VWA8: variants seen among roughly 807,000 people sequenced by gnomAD.
VWA8 encodes von Willebrand factor A domain-containing protein 8.
In VWA8, 221 loss-of-function variants were observed where a neutral mutation model predicts 241.5. The ratio of observed to expected loss-of-function variants is 0.91; its 90% CI spans 0.82 to 1.02. The LOEUF (loss-of-function observed/expected upper bound fraction) is 1.02. Among genes scored for constraint, VWA8 ranks in the 50% least tolerant of loss-of-function variants. The pLI, the probability that VWA8 is intolerant of heterozygous loss-of-function variation, is 0.00. For synonymous variants in VWA8, 852 were observed against 827.1 expected, an observed-to-expected ratio of 1.03 and a Z score of -0.52; for missense variants, 2,322 against 2,328.7, an observed-to-expected ratio of 1.00 and a Z score of 0.06.
At position 41,877,075 on chromosome 13, in the gene VWA8, T is replaced by C. The variant is rs143182258; in HGVS notation, c.1080+6312A>G. 1.8e-4 allele frequency among the ~76,000 whole-genome samples: 28 copies of C among 152,184 alleles called. No individual in the cohort carries two copies. The East Asian group carries it at 5.2e-3, about 28-fold the overall frequency. Reference sequence around the variant, plus strand: ...ACCAGGTCCATATTTTCAAGTCTGCTAGATAAAACCACCAGAAAAACCTCA... The same window carrying C: ...ACCAGGTCCATATTTTCAAGTCTGCCAGATAAAACCACCAGAAAAACCTCA... On this transcript the variant is annotated intron_variant, in intron 9 of 44. Coordinates refer to ENST00000379310, the MANE Select transcript of VWA8 (RefSeq NM_015058.2).
At chr13:41,863,039 G>T (rs1225874011) in intron 12 of VWA8, among the ~76,000 whole-genome samples, 2 of 152,124 alleles carry the variant, frequency 1.3e-5, no homozygotes, top group Non-Finnish European at 2.9e-5. Flanking sequence ...TTGATCCTGG[G>T]TGTGTCTGTG....
At chr13:41,694,526 A>G (rs1164631586) in intron 29 of VWA8, among the ~76,000 whole-genome samples, 1 of 152,076 alleles carries the variant, frequency 6.6e-6, no homozygotes, top group Admixed American at 6.6e-5. Context: ...TGAAAATGGT[A>G]ATGATATCTT....
intron 39 of VWA8, among the ~76,000 whole-genome samples, chr13:41,605,751 T>TG (rs2044549927): frequency 6.6e-6 from 1 of 152,170 alleles, no homozygotes; most frequent in Non-Finnish European, 1.5e-5. Context: ...ATCATGTATT[T>TG]GGTTGACCAA....
At chr13:41,742,067 G>A (rs1343030622) in intron 21 of VWA8, among the ~76,000 whole-genome samples, 1 of 152,210 alleles carries the variant, frequency 6.6e-6, no homozygotes, top group Non-Finnish European at 1.5e-5. Context: ...TATCCAGCAT[G>A]TCTAGGATAT....
chr13:41,957,165 C>G (rs1199573120), intron 1 of VWA8, among the ~76,000 whole-genome samples: 1 of 152,140 alleles, frequency 6.6e-6, no homozygotes, highest in East Asian at 1.9e-4. Flanking sequence ...CCCATAATCC[C>G]CATGTGTCAT....
intron 12 of VWA8, among the ~76,000 whole-genome samples, chr13:41,851,318 G>A (rs1332088783): frequency 1.3e-5 from 2 of 152,182 alleles, no homozygotes; most frequent in African/African-American, 2.4e-5. Context: ...TCACATTTAA[G>A]TGAGATAATG....
intron 9 of VWA8, among the ~76,000 whole-genome samples, chr13:41,879,861 A>G (rs912074003): frequency 2.6e-5 from 4 of 152,216 alleles, no homozygotes; most frequent in Admixed American, 1.3e-4. Flanking sequence ...TGAAGGTTCT[A>G]TACAGAAAGC....
rs1305501830 is a variant in VWA8, at chr13:41,898,352, A to AG, written c.484-6766dup. ...TATTTACAATCCCTGAGCTAGACAC[A>AG]GGGTGCTCCAAGGCCCCACCAGAGC... On this transcript the variant is annotated intron_variant, in intron 4 of 44. Transcript: ENST00000379310. Among the ~76,000 whole-genome samples, 9 of 151,730 alleles carry AG rather than the reference A, an allele frequency of 5.9e-5. No individual in the cohort carries two copies. In the Middle Eastern group the frequency reaches 0.01, roughly 176 times the overall value.
At chr13:41,803,171 T>A (rs928861333) in intron 17 of VWA8, among the ~76,000 whole-genome samples, 3 of 152,174 alleles carry the variant, frequency 2.0e-5, no homozygotes, top group Non-Finnish European at 4.4e-5. Flanking sequence ...TCAATTCTCT[T>A]TGAATACTTG....
chr13:41,834,909 G>C (rs1266233922), intron 12 of VWA8, among the ~76,000 whole-genome samples: 1 of 152,160 alleles, frequency 6.6e-6, no homozygotes, highest in Non-Finnish European at 1.5e-5. Context: ...CCATAAAAAG[G>C]AACTAGATCA....
chr13:41,737,591 C>T (rs1379922561), intron 21 of VWA8, among the ~76,000 whole-genome samples: 1 of 152,178 alleles, frequency 6.6e-6, no homozygotes, highest in African/African-American at 2.4e-5. Context: ...GAATTTTGAA[C>T]AGGAAGAACA....
intron 12 of VWA8, among the ~76,000 whole-genome samples, chr13:41,858,492 G>C (rs1872858224): frequency 6.6e-6 from 1 of 152,096 alleles, no homozygotes; most frequent in Non-Finnish European, 1.5e-5. Flanking sequence ...TATAATCCCA[G>C]CTACTCGGGA....
chr13:41,873,310 G>C (rs184300456), intron 9 of VWA8, among the ~76,000 whole-genome samples: 1 of 152,128 alleles, frequency 6.6e-6, no homozygotes, highest in Admixed American at 6.5e-5. Context: ...AAAGCTAGCA[G>C]AAGGCAAGAA....
At chr13:41,897,207 A>C (rs1215665795) in intron 4 of VWA8, among the ~76,000 whole-genome samples, 1 of 152,150 alleles carries the variant, frequency 6.6e-6, no homozygotes, top group African/African-American at 2.4e-5. Flanking sequence ...CAAGGAACTC[A>C]AATCAATTGC....
At position 41,787,559 on chromosome 13, in the gene VWA8, G is replaced by T; in HGVS notation, c.2064-16C>A. The T allele has an allele frequency of 6.5e-7, 1 of 1,546,946 alleles. No individual in the cohort carries two copies. The highest frequency in any genetic ancestry group is 1.1e-5 in the South Asian group (1 of 89,764). On this transcript the variant is annotated splice_polypyrimidine_tract_variant and intron_variant, in intron 17 of 44. Coordinates refer to ENST00000379310, the MANE Select transcript of VWA8 (RefSeq NM_015058.2). ...GGGTAAAAACCTGGAGGATGAAGAG[G>T]GAGGAAGGGGGAAATGGCTTAAGTC...
rs954328987 is a variant in VWA8, at chr13:41,572,838, G to A, written c.5371-2132C>T. On this transcript the variant is annotated intron_variant, in intron 43 of 44. Coordinates refer to ENST00000379310, the MANE Select transcript of VWA8 (RefSeq NM_015058.2). ...AAAAAAAAAGAAACAGGCCGGGCGC[G>A]GTGGCTCACGTCTGTGGTCCCAGCA... 9.5e-4 allele frequency among the ~76,000 whole-genome samples: 143 copies of A among 150,706 alleles called. 1 individual carries two copies. The highest frequency in any genetic ancestry group is 3.3e-3 in the African/African-American group (134 of 41,080).
intron 20 of VWA8, among the ~76,000 whole-genome samples, chr13:41,769,348 T>G (rs765640190): frequency 5.9e-5 from 9 of 152,188 alleles, no homozygotes; most frequent in Non-Finnish European, 1.2e-4. Flanking sequence ...AGAAAAATGA[T>G]ATGCAAAAGA....
intron 37 of VWA8, among the ~76,000 whole-genome samples, chr13:41,632,864 G>A (rs2044734314): frequency 6.6e-6 from 1 of 152,128 alleles, no homozygotes; most frequent in African/African-American, 2.4e-5. Flanking sequence ...CAGTCACTAT[G>A]GTTCAAAACT....
intron 2 of VWA8, among the ~76,000 whole-genome samples, chr13:41,941,544 A>T (rs1877598092): frequency 6.6e-6 from 1 of 152,238 alleles, no homozygotes; most frequent in Admixed American, 6.5e-5. Flanking sequence ...TTAAAAATCA[A>T]ATTTAGATGA....
Sources: gnomAD v4.1 joint callset for allele counts (sites outside exome capture counted in the v4.1 genomes callset) on GRCh38, gnomAD v4.1.1 for gene constraint, MANE v1.5 for transcripts, NCBI Gene and HGNC (gene_info 2026-07-23, HGNC 2026-07-21) for gene names.